Variants in PLA2G4E observed in about 807,000 individuals in gnomAD.
PLA2G4E encodes the protein phospholipase A2 group IVE, also known as cytosolic phospholipase A2 epsilon.
A neutral mutation model predicts 109.1 loss-of-function variants in PLA2G4E; 84 were observed. The ratio of observed to expected loss-of-function variants is 0.77; its 90% CI spans 0.65 to 0.92. The LOEUF is 0.92. Among genes scored for constraint, PLA2G4E ranks in the 40% least tolerant of loss-of-function variants. PLA2G4E has a pLI of 0.00. For missense variants in PLA2G4E, 1,057 were observed against 1,076.6 expected, an observed-to-expected ratio of 0.98 and a Z score of 0.25; for synonymous variants, 469 against 436.1, an observed-to-expected ratio of 1.08 and a Z score of -0.94.
chr15:42,039,947 A>G (rs1358239354), intron 1 of PLA2G4E, among the ~76,000 whole-genome samples: 1 of 152,242 alleles, frequency 6.6e-6, no homozygotes, highest in Admixed American at 6.5e-5. Context: ...TGTAAAATGT[A>G]TGCAGAAAAA....
chr15:41,983,597 T>C (rs2068091965), exon 20 of PLA2G4E: 2 of 651,050 alleles, frequency 3.1e-6, no homozygotes, highest in South Asian at 2.0e-5. Context: ...TTCTCAACTT[T>C]TTAAAATTTT....
exon 20 of PLA2G4E, chr15:41,983,691 C>T: frequency 7.0e-7 from 1 of 1,431,678 alleles, no homozygotes; most frequent in Non-Finnish European, 9.6e-7. Flanking sequence ...CCTGGTCAGC[C>T]CTGAGGGGTC....
chr15:42,002,805 T>C, intron 5 of PLA2G4E, 109 bp from the exon 6 acceptor site: 1 of 1,060,124 alleles, frequency 9.4e-7, no homozygotes, highest in Non-Finnish European at 1.4e-6. Context: ...CAGAGCCTTC[T>C]TTGTTCTCAT....
chr15:41,984,083 CCTGCATGAAAACCTGT>C, intron 19 of PLA2G4E, 109 bp from the exon 20 acceptor site: 1 of 988,586 alleles, frequency 1.0e-6, no homozygotes, highest in Non-Finnish European at 1.5e-6. Flanking sequence ...GACACACACA[CCTGCATGAAAACCTGT>C]ACACACGCAC....
chr15:41,998,255 C>G (rs1391103971), intron 10 of PLA2G4E: 1 of 152,238 alleles, frequency 6.6e-6, no homozygotes, highest in Non-Finnish European at 1.5e-5. Context: ...TTGTCCAGCA[C>G]AGGGCTGCAG....
chr15:42,027,112 G>T (rs1203394761), intron 1 of PLA2G4E, among the ~76,000 whole-genome samples: 4 of 152,186 alleles, frequency 2.6e-5, no homozygotes, highest in African/African-American at 9.7e-5. Context: ...GCAACCTGCT[G>T]CAGTCATTCA....
At chr15:42,005,083 TC>T in intron 4 of PLA2G4E, 105 bp from the exon 5 acceptor site, 1 of 1,339,054 alleles carries the variant, frequency 7.5e-7, no homozygotes, top group Non-Finnish European at 1.1e-6. Flanking sequence ...CCTCCGTCCT[TC>T]CCCCACAGCT....
chr15:42,025,374 G>A (rs569050531), intron 1 of PLA2G4E, among the ~76,000 whole-genome samples: 1 of 152,266 alleles, frequency 6.6e-6, no homozygotes, highest in African/African-American at 2.4e-5. Context: ...AGGATTCAGA[G>A]TGGGAGAGTT....
intron 1 of PLA2G4E, among the ~76,000 whole-genome samples, chr15:42,042,975 G>T (rs1355251718): frequency 6.6e-6 from 1 of 152,224 alleles, no homozygotes; most frequent in Non-Finnish European, 1.5e-5. Flanking sequence ...TGGAAATAGG[G>T]CCTTTCTGAG....
intron 18 of PLA2G4E, among the ~76,000 whole-genome samples, chr15:41,985,597 G>C (rs1453633392): frequency 6.6e-6 from 1 of 152,228 alleles, no homozygotes; most frequent in Non-Finnish European, 1.5e-5. Flanking sequence ...ATGCTCCAAG[G>C]CAAGAGTAAA....
At chr15:42,023,014 G>C (rs1170915232) in intron 1 of PLA2G4E, among the ~76,000 whole-genome samples, 1 of 152,038 alleles carries the variant, frequency 6.6e-6, no homozygotes, top group African/African-American at 2.4e-5. Flanking sequence ...GAGGAAGAGA[G>C]AGGCATCCTA....
intron 1 of PLA2G4E, among the ~76,000 whole-genome samples, chr15:42,026,598 C>CT (rs2068694875): frequency 6.6e-6 from 1 of 152,160 alleles, no homozygotes; most frequent in Non-Finnish European, 1.5e-5. Flanking sequence ...GAAGAGGAGG[C>CT]TATCAGGTCA....
intron 1 of PLA2G4E, among the ~76,000 whole-genome samples, chr15:42,043,073 G>T (rs1358307666): frequency 6.6e-6 from 1 of 152,192 alleles, no homozygotes; most frequent in African/African-American, 2.4e-5. Context: ...AGGGGTTCCT[G>T]CCTGGAAGGT....
chr15:42,021,784 G>A (rs78394354), intron 1 of PLA2G4E, among the ~76,000 whole-genome samples: 5,073 of 152,302 alleles, frequency 0.033, 233 homozygotes, highest in African/African-American at 0.1. Flanking sequence ...GCCTGACTCT[G>A]TACACTGGGA....
chr15:42,031,790 C>A (rs1430290293), intron 1 of PLA2G4E, among the ~76,000 whole-genome samples: 1 of 152,174 alleles, frequency 6.6e-6, no homozygotes, highest in African/African-American at 2.4e-5. Context: ...TTCAGCCCTG[C>A]AGTAATTGAG....
intron 1 of PLA2G4E, among the ~76,000 whole-genome samples, chr15:42,019,145 A>C (rs1437804162): frequency 6.6e-6 from 1 of 152,052 alleles, no homozygotes; most frequent in Non-Finnish European, 1.5e-5. Context: ...GGGCGCATGC[A>C]CTCCATCCAC....
chr15:42,036,697 G>C (rs1479786988), intron 1 of PLA2G4E, among the ~76,000 whole-genome samples: 1 of 152,140 alleles, frequency 6.6e-6, no homozygotes, highest in Non-Finnish European at 1.5e-5. Flanking sequence ...GACACTGGCC[G>C]GGGCCCAGCC....
chr15:42,008,124 C>A (rs1440506778), intron 2 of PLA2G4E, among the ~76,000 whole-genome samples: 1 of 152,244 alleles, frequency 6.6e-6, no homozygotes, highest in East Asian at 1.9e-4. Context: ...TAGAAGCACC[C>A]TTGTCCCTGA....
chr15:42,004,977 C>T lies in PLA2G4E; in HGVS notation c.527G>A (p.Gly176Asp), dbSNP rs561867673. 12 of 1,612,912 alleles carry T rather than the reference C, an allele frequency of 7.4e-6. No homozygotes were observed. In the Admixed American group the frequency reaches 1.0e-4, roughly 13 times the overall value. The change falls in exon 5 of 20, where the codon GGC becomes GAC. Residue 176 changes from glycine (G) to aspartate (D), a missense_variant and splice_region_variant. By Grantham distance (94) the Gly-to-Asp change is moderately conservative. Coordinates refer to ENST00000399518, the Ensembl canonical transcript of PLA2G4E. ...GAACTCCACCTCCAGCTCTTCCATG[C>T]CCTGGTAGGGGAGGGAGGGAAGGCA...
Sources: gnomAD v4.1 joint callset for allele counts (sites outside exome capture counted in the v4.1 genomes callset) on GRCh38, gnomAD v4.1.1 for gene constraint, MANE v1.5 for transcripts, NCBI Gene and HGNC (gene_info 2026-07-23, HGNC 2026-07-21) for gene names.